EBF2: variants seen among roughly 807,000 people sequenced by gnomAD.
EBF2 encodes EBF transcription factor 2.
EBF2 carries 21 observed loss-of-function variants against 72.8 expected under a neutral mutation model. That is an observed-to-expected ratio of 0.29 (90% CI 0.20 to 0.42). The LOEUF (loss-of-function observed/expected upper bound fraction) is 0.42, where lower values mean the gene tolerates loss of function less well. Ranked by LOEUF, EBF2 falls within the 10% of genes least tolerant of loss-of-function variation. EBF2 has a pLI of 1.00. For synonymous variants in EBF2, 299 were observed against 274.2 expected (o/e 1.09, Z -0.89); for missense variants, 637 against 731.2 (o/e 0.87, Z 1.49).
chr8:25,891,230 G>A (rs906081618), intron 7 of EBF2, among the ~76,000 whole-genome samples: 1 of 152,162 alleles, frequency 6.6e-6, no homozygotes, highest in African/African-American at 2.4e-5. Flanking sequence ...AGCTCAAAGA[G>A]GTGGATATCA....
At chr8:26,042,277 C>G (rs1805614515) in intron 1 of EBF2, 26 bp from the exon 2 acceptor site, 2 of 1,600,638 alleles carry the variant, frequency 1.2e-6, no homozygotes, top group Non-Finnish European at 1.7e-6. Context: ...AACGGGGGAA[C>G]ACAAGACACG....
chr8:26,032,562 G>C (rs1219074647), intron 6 of EBF2: 1 of 152,206 alleles, frequency 6.6e-6, no homozygotes, highest in Non-Finnish European at 1.5e-5. Flanking sequence ...TTAGTGTCTT[G>C]TCCCAAAGAA....
intron 6 of EBF2, among the ~76,000 whole-genome samples, chr8:25,918,991 C>A (rs1366671152): frequency 6.6e-6 from 1 of 152,112 alleles, no homozygotes; most frequent in African/African-American, 2.4e-5. Flanking sequence ...TATTTGGAAT[C>A]ATTTTCATTT....
chr8:25,901,970 C>T (rs56043990), intron 7 of EBF2, among the ~76,000 whole-genome samples: 432 of 152,300 alleles, frequency 2.8e-3, no homozygotes, highest in African/African-American at 9.9e-3. Context: ...GCTGTATCTC[C>T]AGCACCTAGG....
intron 6 of EBF2, among the ~76,000 whole-genome samples, chr8:25,916,991 C>T (rs563923112): frequency 1.3e-5 from 2 of 152,228 alleles, no homozygotes; most frequent in East Asian, 3.9e-4. Context: ...GACTCCATAC[C>T]GATAGACTTC....
intron 13 of EBF2, 81 bp from the exon 14 acceptor site, chr8:25,858,585 G>A: frequency 2.8e-6 from 4 of 1,406,458 alleles, no homozygotes; most frequent in Non-Finnish European, 2.9e-6. Context: ...GTCCTCATTG[G>A]CCCCAGACTG....
chr8:25,877,075 C>T (rs562175830), intron 10 of EBF2, among the ~76,000 whole-genome samples: 33 of 152,332 alleles, frequency 2.2e-4, no homozygotes, highest in African/African-American at 7.5e-4. Flanking sequence ...CCCATGTCCT[C>T]ACACACTGTG....
At chr8:25,860,780 G>C (rs11135896) in intron 13 of EBF2, among the ~76,000 whole-genome samples, 45,587 of 151,944 alleles carry the variant, frequency 0.3, 7,005 homozygotes, top group South Asian at 0.41. Context: ...GCCTCCCAAA[G>C]TGCAGGGATT....
In EBF2 at chr8:26,040,664, G is replaced by T. The variant is rs1012377613; in HGVS notation, c.360C>A (p.Arg120=). Residue 120 remains arginine (R), a synonymous_variant, in exon 4 of 16, where the codon CGC becomes CGA. Coordinates refer to ENST00000520164, the MANE Select transcript of EBF2 (RefSeq NM_022659.4). ...KLQLLYSNGV[R]TEQDLYVRLI... is the part of the protein sequence containing the mutation. ...GCCTGACATAGAGGTCCTGTTCCGT[G>T]CGGACACCTGCGGGGACCGGAGGGG... The T allele has an allele frequency of 3.9e-6, 6 of 1,554,916 alleles. No individual in the cohort carries two copies. The highest frequency in any genetic ancestry group is 5.2e-6 in the Non-Finnish European group (6 of 1,148,796).
At chr8:25,873,804 T>C (rs1802477027) in intron 10 of EBF2, among the ~76,000 whole-genome samples, 1 of 152,220 alleles carries the variant, frequency 6.6e-6, no homozygotes, top group South Asian at 2.1e-4. Flanking sequence ...AATGCCACAA[T>C]GGAGCAGTTA....
rs78321264 is a variant in EBF2 at position 25,955,548 on chromosome 8, G to T, written c.552-46993C>A. 6.9e-3 allele frequency among the ~76,000 whole-genome samples: 1,042 copies of T among 152,068 alleles called. 14 individuals are homozygous for T. Among genetic ancestry groups the T allele is most frequent in the African/African-American group, 0.024 (1,001 of 41,440 alleles). On this transcript the variant is annotated intron_variant, in intron 6 of 15. Transcript: ENST00000520164. ...CCAGGCACATAAAAAAAATGAAAAC[G>T]GATTTTTCTAAAGATAGTCTTAAAA...
At chr8:26,021,040 G>C (rs1805196449) in intron 6 of EBF2, among the ~76,000 whole-genome samples, 2 of 152,172 alleles carry the variant, frequency 1.3e-5, no homozygotes, top group African/African-American at 4.8e-5. Flanking sequence ...GCTGGAGAAG[G>C]AGACTTGGAG....
At chr8:25,965,317 G>A (rs765321263) in intron 6 of EBF2, among the ~76,000 whole-genome samples, 2 of 152,080 alleles carry the variant, frequency 1.3e-5, no homozygotes, top group African/African-American at 2.4e-5. Context: ...AACATATTTT[G>A]TTAAGCAACA....
intron 6 of EBF2, among the ~76,000 whole-genome samples, chr8:25,925,752 C>G (rs1803375439): frequency 6.6e-6 from 1 of 152,142 alleles, no homozygotes. Flanking sequence ...GCCTGTGAGT[C>G]ACGATGGGCT....
At chr8:25,883,796 G>A (rs532032767) in intron 10 of EBF2, among the ~76,000 whole-genome samples, 1 of 152,160 alleles carries the variant, frequency 6.6e-6, no homozygotes, top group South Asian at 2.1e-4. Flanking sequence ...CCACATCCAG[G>A]GGTGTCTTTG....
At chr8:25,858,561 T>G in intron 13 of EBF2, 57 bp from the exon 14 acceptor site, 1 of 1,565,328 alleles carries the variant, frequency 6.4e-7, no homozygotes, top group Non-Finnish European at 8.7e-7. Context: ...TCAGGCCACA[T>G]GTGGCTAGCA....
intron 10 of EBF2, among the ~76,000 whole-genome samples, chr8:25,878,628 G>A (rs994020466): frequency 6.6e-6 from 1 of 152,182 alleles, no homozygotes; most frequent in Non-Finnish European, 1.5e-5. Context: ...GTGGTACTTC[G>A]CTCAGTAACC....
intron 6 of EBF2, among the ~76,000 whole-genome samples, chr8:26,014,479 C>T (rs946821629): frequency 2.0e-5 from 3 of 152,286 alleles, no homozygotes; most frequent in Admixed American, 2.0e-4. Context: ...CAAATACTGG[C>T]TGAATGTGAA....
intron 6 of EBF2, among the ~76,000 whole-genome samples, chr8:25,940,173 G>A (rs79265604): frequency 2.0e-4 from 31 of 152,242 alleles, no homozygotes; most frequent in African/African-American, 5.8e-4. Context: ...AAAGAGATAC[G>A]GGCAGCCCCT....
Sources: gnomAD v4.1 joint callset for allele counts (sites outside exome capture counted in the v4.1 genomes callset) on GRCh38, gnomAD v4.1.1 for gene constraint, MANE v1.5 for transcripts, NCBI Gene and HGNC (gene_info 2026-07-23, HGNC 2026-07-21) for gene names.